Variants in NCAM2 observed in about 807,000 individuals in gnomAD.
NCAM2 encodes the protein neural cell adhesion molecule 2.
In NCAM2, 30 loss-of-function variants were observed where a neutral mutation model predicts 98.1. The ratio of observed to expected loss-of-function variants is 0.31; its 90% confidence interval spans 0.23 to 0.41. The LOEUF is 0.41. Among genes scored for constraint, NCAM2 ranks in the 10% least tolerant of loss-of-function variants. The pLI is 1.00. For missense variants in NCAM2, 867 were observed against 1,005.8 expected (o/e 0.86, Z 1.87); for synonymous variants, 368 against 342.4 (o/e 1.07, Z -0.83).
intron 1 of NCAM2, among the ~76,000 whole-genome samples, chr21:21,236,030 A>G (rs532023428): frequency 6.6e-6 from 1 of 152,184 alleles, no homozygotes; most frequent in South Asian, 2.1e-4. Context: ...ACCCATTACC[A>G]TTCTTAACTC....
In NCAM2 at chr21:21,307,975, T is replaced by C. The variant is rs114219275; in HGVS notation, c.619+15734T>C. ...TGCAAAGTCTTTTTAAATCATGATA[T>C]TTAATGTGTTCATAGATGGCCAGGT... On this transcript the variant is annotated intron_variant, in intron 5 of 17. Coordinates refer to ENST00000400546, the MANE Select transcript of NCAM2 (RefSeq NM_004540.5). 4.9e-3 allele frequency among the ~76,000 whole-genome samples: 740 copies of C among 152,150 alleles called. 13 individuals carry two copies. Among genetic ancestry groups the C allele is most frequent in the African/African-American group, 0.017 (709 of 41,520 alleles).
intron 8 of NCAM2, among the ~76,000 whole-genome samples, chr21:21,372,044 A>C (rs937038806): frequency 6.6e-6 from 1 of 151,786 alleles, no homozygotes; most frequent in Admixed American, 6.6e-5. Flanking sequence ...TGTGCTGTGA[A>C]CTCTAATTGG....
chr21:21,499,120 ATAT>A (rs1411259380), intron 15 of NCAM2, among the ~76,000 whole-genome samples: 1 of 152,226 alleles, frequency 6.6e-6, no homozygotes, highest in Non-Finnish European at 1.5e-5. Flanking sequence ...AAAAGGAATA[ATAT>A]TAAAATTTTT....
At chr21:21,307,880 A>T (rs2073933393) in intron 5 of NCAM2, among the ~76,000 whole-genome samples, 1 of 152,136 alleles carries the variant, frequency 6.6e-6, no homozygotes, top group African/African-American at 2.4e-5. Flanking sequence ...AAAGGGGATC[A>T]TGTGATTGGT....
At chr21:21,303,244 A>C (rs2073778745) in intron 5 of NCAM2, among the ~76,000 whole-genome samples, 1 of 152,130 alleles carries the variant, frequency 6.6e-6, no homozygotes, top group South Asian at 2.1e-4. Flanking sequence ...TAAAGCTTTA[A>C]AAAGAAGTCA....
At chr21:21,529,837 A>G (rs574156891) in intron 16 of NCAM2, among the ~76,000 whole-genome samples, 1 of 151,556 alleles carries the variant, frequency 6.6e-6, no homozygotes, top group South Asian at 2.1e-4. Flanking sequence ...CAAAAGCAGT[A>G]CCAACATATA....
intron 1 of NCAM2, among the ~76,000 whole-genome samples, chr21:21,061,399 G>A (rs2065318706): frequency 6.6e-6 from 1 of 152,210 alleles, no homozygotes; most frequent in South Asian, 2.1e-4. Context: ...CTGTTTTAAT[G>A]ATAATCACAT....
intron 1 of NCAM2, among the ~76,000 whole-genome samples, chr21:21,104,614 C>T (rs1359642666): frequency 6.6e-6 from 1 of 151,732 alleles, no homozygotes; most frequent in Non-Finnish European, 1.5e-5. Flanking sequence ...TGCATTTAAG[C>T]TAATGCAAAG....
At position 21,541,735 on chromosome 21, in the gene NCAM2, G is replaced by A. The variant is rs1990241494; in HGVS notation, c.*3778G>A. The A allele has an allele frequency of 1.3e-5, 2 of 151,558 alleles. No individual in the cohort carries two copies. Among genetic ancestry groups the A allele is most frequent in the African/African-American group, 4.8e-5 (2 of 41,326 alleles). The allele number at this position is 151,558 out of a possible 1,614,324, so 9.4% of individuals were successfully genotyped here. A position where few individuals can be genotyped will look rare whatever the true frequency, so the allele number is the denominator to read the frequency against. ...CCATTAGTTAATTTAGGAAATATTG[G>A]AATAGCATATTATAATTATTTATGA... is the stretch of plus-strand genomic sequence containing the variant. On this transcript the variant is annotated 3_prime_UTR_variant, in exon 18 of 18. Coordinates refer to ENST00000400546, the MANE Select transcript of NCAM2 (RefSeq NM_004540.5).
At chr21:21,188,951 G>A (rs138110608) in intron 1 of NCAM2, among the ~76,000 whole-genome samples, 5 of 152,252 alleles carry the variant, frequency 3.3e-5, no homozygotes, top group African/African-American at 1.2e-4. Flanking sequence ...TAAAAGTAAG[G>A]CAGATTAAAT....
intron 1 of NCAM2, among the ~76,000 whole-genome samples, chr21:21,249,288 T>A (rs573388435): frequency 6.6e-6 from 1 of 152,296 alleles, no homozygotes; most frequent in South Asian, 2.1e-4. Context: ...GATCTTTAGC[T>A]AATACAATTA....
At chr21:21,044,146 A>G (rs2064963317) in intron 1 of NCAM2, among the ~76,000 whole-genome samples, 2 of 152,288 alleles carry the variant, frequency 1.3e-5, no homozygotes, top group South Asian at 4.1e-4. Context: ...CAGTCAATAT[A>G]TCCTAAGGGT....
intron 5 of NCAM2, among the ~76,000 whole-genome samples, chr21:21,300,140 G>T (rs1372879889): frequency 7.3e-6 from 1 of 136,366 alleles, no homozygotes; most frequent in Non-Finnish European, 1.6e-5. Context: ...TGACTGTATA[G>T]TCATGTAAAT....
At chr21:21,051,858 C>G (rs2065115053) in intron 1 of NCAM2, among the ~76,000 whole-genome samples, 1 of 152,264 alleles carries the variant, frequency 6.6e-6, no homozygotes, top group African/African-American at 2.4e-5. Context: ...ACTGATATTT[C>G]TGATGTGGTA....
intron 16 of NCAM2, among the ~76,000 whole-genome samples, chr21:21,509,978 C>G (rs1447409426): frequency 6.6e-6 from 1 of 152,110 alleles, no homozygotes; most frequent in Non-Finnish European, 1.5e-5. Flanking sequence ...TAAGTCCTTT[C>G]TACTGCATAC....
intron 1 of NCAM2, among the ~76,000 whole-genome samples, chr21:21,017,379 T>C (rs1273115413): frequency 8.5e-6 from 1 of 117,450 alleles, no homozygotes; most frequent in African/African-American, 3.3e-5. Context: ...TGAACAGATA[T>C]CACGCCACTG....
intron 17 of NCAM2, among the ~76,000 whole-genome samples, chr21:21,535,257 A>G (rs1989922353): frequency 6.6e-6 from 1 of 152,132 alleles, no homozygotes; most frequent in African/African-American, 2.4e-5. Context: ...AGATTCATGC[A>G]CAGAATAATT....
intron 1 of NCAM2, among the ~76,000 whole-genome samples, chr21:21,107,421 T>G (rs117339365): frequency 0.011 from 1,636 of 152,196 alleles, 10 homozygotes; most frequent in South Asian, 0.022. Context: ...TCACACAGCT[T>G]CCAAAATGTT....
intron 1 of NCAM2, among the ~76,000 whole-genome samples, chr21:21,167,729 A>G (rs1158198113): frequency 6.6e-6 from 1 of 152,192 alleles, no homozygotes; most frequent in African/African-American, 2.4e-5. Flanking sequence ...CACAGAACAC[A>G]CCAATTCCTT....
Sources: allele counts gnomAD v4.1 joint callset (sites outside exome capture counted in the v4.1 genomes callset), GRCh38; gene constraint gnomAD v4.1.1; transcripts MANE v1.5; gene names NCBI Gene and HGNC (gene_info 2026-07-23, HGNC 2026-07-21).